CSMD1: variants seen among roughly 807,000 people sequenced by gnomAD.
CSMD1 encodes the protein CUB and sushi domain-containing protein 1.
A neutral mutation model predicts 417.5 loss-of-function variants in CSMD1; 213 were observed. That is an observed-to-expected ratio of 0.51 (90% CI 0.46 to 0.57). CSMD1 has a LOEUF of 0.57. Among genes scored for constraint, CSMD1 ranks in the 20% least tolerant of loss-of-function variants. CSMD1 has a pLI of 0.00. For missense variants in CSMD1, 6,923 were observed against 4,529.7 expected (o/e 1.53, Z -15.17); for synonymous variants, 2,862 against 1,736.8 (o/e 1.65, Z -16.11).
chr8:3,774,595 C>G (rs1052328297), intron 5 of CSMD1, among the ~76,000 whole-genome samples: 1 of 152,140 alleles, frequency 6.6e-6, no homozygotes, highest in African/African-American at 2.4e-5. Context: ...CTCTGTTAAT[C>G]TTCAGTTGGG....
intron 5 of CSMD1, among the ~76,000 whole-genome samples, chr8:3,772,197 CA>C (rs1798612986): frequency 1.9e-4 from 19 of 101,278 alleles, no homozygotes; most frequent in Admixed American, 1.3e-3. Context: ...TATACACACA[CA>C]CACACACACA....
intron 5 of CSMD1, among the ~76,000 whole-genome samples, chr8:3,802,005 G>C (rs1310195118): frequency 1.3e-5 from 2 of 152,074 alleles, no homozygotes; most frequent in African/African-American, 4.8e-5. Flanking sequence ...TCTAAAATCG[G>C]ATTGTGATGA....
intron 26 of CSMD1, among the ~76,000 whole-genome samples, chr8:3,231,501 G>A (rs780609771): frequency 6.6e-5 from 10 of 152,064 alleles, no homozygotes; most frequent in African/African-American, 9.7e-5. Context: ...GTGTGTGTGC[G>A]TGTGTGTGCA....
At chr8:3,400,316 T>C (rs1177951441) in intron 15 of CSMD1, among the ~76,000 whole-genome samples, 1 of 152,218 alleles carries the variant, frequency 6.6e-6, no homozygotes, top group Non-Finnish European at 1.5e-5. Flanking sequence ...AGCAATCATC[T>C]TTGTGGATTT....
intron 51 of CSMD1, among the ~76,000 whole-genome samples, chr8:3,019,460 G>C (rs1326513652): frequency 6.6e-6 from 1 of 152,206 alleles, no homozygotes; most frequent in Non-Finnish European, 1.5e-5. Context: ...GGACAAAGTA[G>C]TGTGGTATTA....
chr8:3,559,958 C>G (rs560361323), intron 10 of CSMD1, among the ~76,000 whole-genome samples: 2 of 152,026 alleles, frequency 1.3e-5, no homozygotes, highest in African/African-American at 4.8e-5. Context: ...GGAGGAAAGC[C>G]GTGCGGAATG....
chr8:3,096,113 GAGAA>G (rs1815276654), intron 47 of CSMD1, among the ~76,000 whole-genome samples: 2 of 152,118 alleles, frequency 1.3e-5, no homozygotes, highest in African/African-American at 4.8e-5. Flanking sequence ...ATAGGAGAGA[GAGAA>G]AGAGTTATTG....
chr8:4,397,429 G>T (rs1320952703), intron 3 of CSMD1, among the ~76,000 whole-genome samples: 1 of 151,102 alleles, frequency 6.6e-6, no homozygotes, highest in Non-Finnish European at 1.5e-5. Flanking sequence ...TTAGGAACAT[G>T]GAAATGAAGA....
At chr8:4,292,152 C>G (rs568578189) in intron 3 of CSMD1, among the ~76,000 whole-genome samples, 33 of 152,238 alleles carry the variant, frequency 2.2e-4, no homozygotes, top group African/African-American at 7.5e-4. Flanking sequence ...GAAAATGACC[C>G]AGGTGAGCCC....
At chr8:4,684,738 T>C (rs1010446439) in intron 1 of CSMD1, among the ~76,000 whole-genome samples, 1 of 152,218 alleles carries the variant, frequency 6.6e-6, no homozygotes, top group Non-Finnish European at 1.5e-5. Context: ...AAAAATATTT[T>C]GAACTATAAA....
chr8:3,852,374 C>T (rs113729137), intron 5 of CSMD1, among the ~76,000 whole-genome samples: 14 of 152,242 alleles, frequency 9.2e-5, no homozygotes, highest in African/African-American at 3.4e-4. Context: ...ACCCTCTCTA[C>T]TCCCAGCCAA....
At chr8:4,460,650 A>G (rs7814571) in intron 2 of CSMD1, among the ~76,000 whole-genome samples, 11,837 of 152,088 alleles carry the variant, frequency 0.078, 1,322 homozygotes, top group African/African-American at 0.25. Flanking sequence ...CCTTACAGAT[A>G]TTTAAGAAGA....
intron 57 of CSMD1, among the ~76,000 whole-genome samples, chr8:2,968,318 G>A (rs1237642612): frequency 2.0e-5 from 3 of 152,216 alleles, no homozygotes; most frequent in Admixed American, 6.5e-5. Flanking sequence ...CAAACCGAAA[G>A]AGGACACTGA....
Position 2,951,280 on chromosome 8 carries a change from G to C in CSMD1, c.10040-5C>G. 6.3e-7 allele frequency: 1 copy of C among 1,596,712 alleles called. No homozygotes were observed. Among genetic ancestry groups the C allele is most frequent in the Non-Finnish European group, 8.5e-7 (1 of 1,171,032 alleles). ...CGAAAAAGACATCTGAAGGAACTGT[G>C]GGAAGGGGGGAAACAGACCAATGTC... On this transcript the variant is annotated splice_region_variant and splice_polypyrimidine_tract_variant and intron_variant, in intron 65 of 69. Transcript: ENST00000635120.
intron 19 of CSMD1, among the ~76,000 whole-genome samples, chr8:3,368,994 G>C (rs7001248): frequency 0.21 from 31,403 of 152,020 alleles, 3,691 homozygotes; most frequent in South Asian, 0.33. Flanking sequence ...TACCACGATA[G>C]CTATATTTCA....
At chr8:4,368,109 T>C (rs1802192699) in intron 3 of CSMD1, among the ~76,000 whole-genome samples, 1 of 152,166 alleles carries the variant, frequency 6.6e-6, no homozygotes, top group South Asian at 2.1e-4. Context: ...GGAGTGCTTC[T>C]AGCTTTTTCT....
chr8:3,901,810 T>C (rs1230514776), intron 5 of CSMD1, among the ~76,000 whole-genome samples: 1 of 152,226 alleles, frequency 6.6e-6, no homozygotes, highest in Non-Finnish European at 1.5e-5. Context: ...TCTTGGGGTG[T>C]TCACAAGTAT....
chr8:4,434,261 G>T (rs1281295120), intron 2 of CSMD1, among the ~76,000 whole-genome samples: 4 of 152,150 alleles, frequency 2.6e-5, no homozygotes, highest in South Asian at 2.1e-4. Context: ...AGCTACTCAG[G>T]AGGCTGAGGC....
intron 3 of CSMD1, among the ~76,000 whole-genome samples, chr8:4,271,780 A>G (rs1804615904): frequency 6.6e-6 from 1 of 152,190 alleles, no homozygotes; most frequent in Non-Finnish European, 1.5e-5. Flanking sequence ...TGCAGCTTCC[A>G]CATTATGAAT....
Sources: gnomAD v4.1 joint callset for allele counts (sites outside exome capture counted in the v4.1 genomes callset) on GRCh38, gnomAD v4.1.1 for gene constraint, MANE v1.5 for transcripts, NCBI Gene and HGNC (gene_info 2026-07-23, HGNC 2026-07-21) for gene names.